ABCB1: variants seen among roughly 807,000 people sequenced by gnomAD.
The protein encoded by ABCB1 is ATP binding cassette subfamily B member 1, also known as ATP-dependent translocase ABCB1.
In ABCB1, 69 loss-of-function variants were observed where a neutral mutation model predicts 142.0. The observed-to-expected ratio is 0.49, with a 90% CI of 0.40 to 0.59. The LOEUF (loss-of-function observed/expected upper bound fraction) is 0.59. Among genes scored for constraint, ABCB1 ranks in the 20% least tolerant of loss-of-function variants. The pLI, the probability that ABCB1 is intolerant of heterozygous loss-of-function variation, is 0.00. For synonymous variants in ABCB1, 532 were observed against 539.2 expected (o/e 0.99, Z 0.18); for missense variants, 1,326 against 1,554.7 (o/e 0.85, Z 2.47).
At position 87,700,487 on chromosome 7, in the gene ABCB1, G is replaced by A. The variant is rs750107326; in HGVS notation, c.-331+12674C>T. On this transcript the variant is annotated intron_variant, in intron 1 of 28. Transcript: ENST00000265724. ...TGGGACTATATCAGAGTGGCTTGCC[G>A]GAAAGTTTCACAGAATTGTATCTGC... 11 of 1,613,288 alleles carry A rather than the reference G, an allele frequency of 6.8e-6. No homozygotes were observed. The highest frequency in any genetic ancestry group is 4.4e-5 in the South Asian group (4 of 90,930).
intron 21 of ABCB1, among the ~76,000 whole-genome samples, chr7:87,530,380 T>A (rs1815982040): frequency 6.6e-6 from 1 of 152,128 alleles, no homozygotes; most frequent in Non-Finnish European, 1.5e-5. Context: ...AGCACAACTG[T>A]CTGAGCTTGA....
chr7:87,710,442 T>C (rs1430946405), intron 1 of ABCB1: 3 of 605,248 alleles, frequency 5.0e-6, no homozygotes, highest in Non-Finnish European at 8.7e-6. Context: ...ACTTAAACAT[T>C]TTTCTTAGTC....
At chr7:87,543,651 C>T (rs935853547) in intron 17 of ABCB1, among the ~76,000 whole-genome samples, 26 of 152,138 alleles carry the variant, frequency 1.7e-4, no homozygotes, top group Non-Finnish European at 3.5e-4. Flanking sequence ...GAAGCCGTTC[C>T]TATTTGTTTT....
chr7:87,541,041 T>C (rs923112070), intron 18 of ABCB1, among the ~76,000 whole-genome samples: 4 of 152,194 alleles, frequency 2.6e-5, no homozygotes, highest in Non-Finnish European at 4.4e-5. Flanking sequence ...GCAATACTTA[T>C]ATCCAAACTT....
chr7:87,679,497 C>T (rs1826713584), intron 1 of ABCB1, among the ~76,000 whole-genome samples: 1 of 150,026 alleles, frequency 6.7e-6, no homozygotes, highest in South Asian at 2.1e-4. Flanking sequence ...TCAAATGATT[C>T]TCCCACCTCA....
chr7:87,508,051 C>T (rs947600497), intron 26 of ABCB1, among the ~76,000 whole-genome samples: 1 of 152,060 alleles, frequency 6.6e-6, no homozygotes, highest in African/African-American at 2.4e-5. Context: ...ACCTAGGTGA[C>T]AGGATCATTT....
At chr7:87,586,546 T>C (rs983896019) in intron 3 of ABCB1, among the ~76,000 whole-genome samples, 6 of 152,168 alleles carry the variant, frequency 3.9e-5, no homozygotes, top group African/African-American at 1.4e-4. Flanking sequence ...AACATGTGGA[T>C]GCAAGGTGTA....
intron 1 of ABCB1, among the ~76,000 whole-genome samples, chr7:87,656,821 T>C (rs1343026632): frequency 6.6e-6 from 1 of 152,218 alleles, no homozygotes; most frequent in Non-Finnish European, 1.5e-5. Context: ...AAATTTCAAG[T>C]TACTCATTCA....
At chr7:87,513,012 G>A (rs1815084776) in intron 25 of ABCB1, among the ~76,000 whole-genome samples, 1 of 152,210 alleles carries the variant, frequency 6.6e-6, no homozygotes, top group Admixed American at 6.5e-5. Flanking sequence ...GTCTACGAGG[G>A]AGATGCACAG....
At chr7:87,575,512 T>C (rs746623348) in intron 4 of ABCB1, among the ~76,000 whole-genome samples, 14 of 152,174 alleles carry the variant, frequency 9.2e-5, no homozygotes, top group Non-Finnish European at 1.8e-4. Context: ...TAGCACAGTT[T>C]TTCCCAGGAA....
At chr7:87,632,918 A>G (rs1372662186) in intron 1 of ABCB1, among the ~76,000 whole-genome samples, 1 of 152,226 alleles carries the variant, frequency 6.6e-6, no homozygotes, top group Non-Finnish European at 1.5e-5. Context: ...ATGCAAAGTC[A>G]TAATTTTCCT....
At chr7:87,571,596 A>G (rs1303568798) in intron 4 of ABCB1, among the ~76,000 whole-genome samples, 2 of 152,224 alleles carry the variant, frequency 1.3e-5, no homozygotes, top group African/African-American at 4.8e-5. Context: ...AATTTTAAAA[A>G]TGATCAAAAC....
chr7:87,712,661 A>T lies in ABCB1; in HGVS notation c.-331+500T>A, dbSNP rs536433674. On this transcript the variant is annotated intron_variant, in intron 1 of 28. Transcript: ENST00000265724. ...CAAGTAGTTTAAATATTTAAAGGAA[A>T]TGCTTTCTGCCTTGTTCTTAAGTGT... Among the ~76,000 whole-genome samples the T allele has an allele frequency of 2.0e-5, 3 of 152,222 alleles. No individual in the cohort carries two copies. The East Asian group carries it at 5.8e-4, about 29-fold the overall frequency.
intron 1 of ABCB1, among the ~76,000 whole-genome samples, chr7:87,622,418 A>G: frequency 6.6e-6 from 1 of 152,190 alleles, no homozygotes; most frequent in Non-Finnish European, 1.5e-5. Context: ...AAAAAGAACA[A>G]TAGTCCCTAG....
intron 1 of ABCB1, among the ~76,000 whole-genome samples, chr7:87,670,537 CATACA>C (rs1401286567): frequency 6.6e-6 from 1 of 152,164 alleles, no homozygotes; most frequent in Non-Finnish European, 1.5e-5. Context: ...ATTTGGATGG[CATACA>C]ATACTCTGAA....
chr7:87,605,720 C>A (rs1463451507), upstream of ABCB1, among the ~76,000 whole-genome samples: 1 of 152,148 alleles, frequency 6.6e-6, no homozygotes, highest in Admixed American at 6.5e-5. Context: ...AAATACTCCA[C>A]TGCTCAAAAA....
At chr7:87,624,370 A>G (rs1820332699) in intron 1 of ABCB1, among the ~76,000 whole-genome samples, 1 of 152,234 alleles carries the variant, frequency 6.6e-6, no homozygotes. Flanking sequence ...AGACTAGAAT[A>G]AACTATGGTT....
At chr7:87,561,435 A>G in intron 7 of ABCB1, 48 bp from the exon 8 acceptor site, 2 of 1,539,078 alleles carry the variant, frequency 1.3e-6, no homozygotes, top group South Asian at 1.2e-5. Context: ...CGTTAATTTT[A>G]TCTTTTGTAA....
intron 1 of ABCB1, among the ~76,000 whole-genome samples, chr7:87,627,020 C>A (rs1023516336): frequency 6.6e-6 from 1 of 152,092 alleles, no homozygotes; most frequent in African/African-American, 2.4e-5. Context: ...GTGATCCGCC[C>A]GCCTCAGCCT....
Sources: gnomAD v4.1 joint callset for allele counts (sites outside exome capture counted in the v4.1 genomes callset) on GRCh38, gnomAD v4.1.1 for gene constraint, MANE v1.5 for transcripts, NCBI Gene and HGNC (gene_info 2026-07-23, HGNC 2026-07-21) for gene names.